Variants in DNAH14 observed in about 807,000 individuals in gnomAD.
The protein encoded by DNAH14 is axonemal beta dynein heavy chain 14.
DNAH14 carries 478 observed loss-of-function variants against 520.9 expected under a neutral mutation model. The ratio of observed to expected loss-of-function variants is 0.92; its 90% confidence interval spans 0.85 to 0.99. The LOEUF (loss-of-function observed/expected upper bound fraction) is 0.99, where lower values mean the gene tolerates loss of function less well. Among genes scored for constraint, DNAH14 ranks in the 50% least tolerant of loss-of-function variants. DNAH14 has a pLI of 0.00. For missense variants in DNAH14, 4,831 were observed against 5,234.5 expected (o/e 0.92, Z 2.38); for synonymous variants, 1,581 against 1,757.2 (o/e 0.90, Z 2.51).
intron 22 of DNAH14, among the ~76,000 whole-genome samples, chr1:225,098,740 T>G (rs2075203000): frequency 6.6e-6 from 1 of 152,196 alleles, no homozygotes; most frequent in South Asian, 2.1e-4. Flanking sequence ...TACAACAACT[T>G]TGAGCCTTAA....
At chr1:225,371,362 C>T (rs892363780) in intron 77 of DNAH14, among the ~76,000 whole-genome samples, 1 of 151,892 alleles carries the variant, frequency 6.6e-6, no homozygotes, top group Non-Finnish European at 1.5e-5. Flanking sequence ...GTAGAAGAGG[C>T]ATTTGTTATG....
chr1:225,097,319 T>C, intron 22 of DNAH14, 80 bp downstream of exon 22: 3 of 1,324,208 alleles, frequency 2.3e-6, no homozygotes, highest in South Asian at 1.7e-5. Context: ...TGAGAAATCA[T>C]TTCTTCAATG....
rs1449574973 is a variant in DNAH14 at position 225,381,543 on chromosome 1, C to A, written c.13041C>A (p.Asn4347Lys). The A allele has an allele frequency of 3.9e-6, 6 of 1,536,678 alleles. No homozygotes were observed. Among genetic ancestry groups the A allele is most frequent in the Non-Finnish European group, 5.2e-6 (6 of 1,142,870 alleles). Reference protein sequence around the residue: ...ILTQELEEIFNSFLNMRVPTL... With the variant: ...ILTQELEEIFKSFLNMRVPTL... Reference sequence around the variant, plus strand: ...CCCAAGAATTGGAGGAAATATTTAACTCTTTTCTTAATATGAGAGTGCCTA... The same window carrying A: ...CCCAAGAATTGGAGGAAATATTTAAATCTTTTCTTAATATGAGAGTGCCTA... Residue 4347 changes from asparagine to lysine, a missense_variant, in exon 81 of 86, where the codon AAC becomes AAA. Transcript: ENST00000682510.
At chr1:225,212,068 C>A (rs1490236698) in intron 41 of DNAH14, among the ~76,000 whole-genome samples, 5 of 119,440 alleles carry the variant, frequency 4.2e-5, no homozygotes, top group African/African-American at 1.6e-4. Flanking sequence ...CCCCCCACCC[C>A]AAGACAGGCC....
At chr1:225,376,498 A>C (rs745324394) in intron 78 of DNAH14, among the ~76,000 whole-genome samples, 9 of 152,258 alleles carry the variant, frequency 5.9e-5, no homozygotes, top group Admixed American at 3.9e-4. Flanking sequence ...TGTACAGAGT[A>C]TTACATTAAG....
intron 66 of DNAH14, among the ~76,000 whole-genome samples, chr1:225,336,954 G>A (rs7521190): frequency 0.36 from 54,344 of 151,966 alleles, 10,304 homozygotes; most frequent in African/African-American, 0.48. Context: ...ATTCTATATT[G>A]TATGCGTTAG....
At chr1:225,275,127 A>C (rs1396646044) in intron 52 of DNAH14, among the ~76,000 whole-genome samples, 1 of 152,198 alleles carries the variant, frequency 6.6e-6, no homozygotes, top group Non-Finnish European at 1.5e-5. Flanking sequence ...ATATCTAATG[A>C]CATATATTTT....
At chr1:225,135,751 G>A (rs1245263339) in intron 27 of DNAH14, among the ~76,000 whole-genome samples, 7 of 152,104 alleles carry the variant, frequency 4.6e-5, no homozygotes, top group African/African-American at 1.7e-4. Flanking sequence ...AATATTGTCA[G>A]AGGGATGTTA....
rs1003176230 is a variant in DNAH14, at chr1:225,272,970, C to A, written c.7855C>A (p.Leu2619Met). Residue 2619 changes from leucine to methionine, a missense_variant, in exon 52 of 86, where the codon CTG (leucine) becomes ATG (methionine). Coordinates refer to ENST00000682510, the MANE Select transcript of DNAH14 (RefSeq NM_001367479.1). Reference protein sequence around the residue: ...RDMFKLLLGLLQADRTVVNSK... With the variant: ...RDMFKLLLGLMQADRTVVNSK... ...TCCCTAACAGCTTCTCCTAGGATTG[C>A]TGCAAGCTGACAGGACTGTTGTTAA... 1 of 1,537,886 alleles carries A rather than the reference C, an allele frequency of 6.5e-7. No homozygotes were observed. Among genetic ancestry groups the A allele is most frequent in the Non-Finnish European group, 8.7e-7 (1 of 1,143,422 alleles).
In DNAH14 at chr1:225,335,573, ACG is replaced by A. The variant is rs1445473337; in HGVS notation, c.10081-1691_10081-1690del. Among the ~76,000 whole-genome samples the A allele has an allele frequency of 4.6e-4, 68 of 149,274 alleles. 5 individuals are homozygous for A. Among genetic ancestry groups the A allele is most frequent in the Non-Finnish European group, 6.4e-4 (43 of 66,904 alleles). On this transcript the variant is annotated intron_variant, in intron 66 of 85. Transcript: ENST00000682510. ...TATACATATGTACATCTATGTATATACGCATATGTGCATATATGTATATACGC... is the reference window on the plus strand; with the variant it reads ...TATACATATGTACATCTATGTATATACATATGTGCATATATGTATATACGC...
At chr1:225,139,469 C>T (rs1446776284) in intron 27 of DNAH14, among the ~76,000 whole-genome samples, 2 of 152,196 alleles carry the variant, frequency 1.3e-5, no homozygotes, top group African/African-American at 2.4e-5. Flanking sequence ...GTTTACAACT[C>T]CCCTTTCTCT....
chr1:224,944,780 G>A (rs747930037), intron 1 of DNAH14, among the ~76,000 whole-genome samples: 8 of 152,080 alleles, frequency 5.3e-5, no homozygotes, highest in South Asian at 2.1e-4. Context: ...ATGAAATTCT[G>A]GGTTGAAAAT....
chr1:225,060,388 C>A (rs1240240045), intron 17 of DNAH14, among the ~76,000 whole-genome samples: 4 of 152,124 alleles, frequency 2.6e-5, no homozygotes, highest in African/African-American at 9.7e-5. Context: ...AACTTCTCTG[C>A]ATTGGTTATT....
Position 225,324,251 on chromosome 1 carries a change from C to G in DNAH14, c.9525C>G (p.Thr3175=), listed in dbSNP as rs1184329461. Residue 3175 remains threonine, a synonymous_variant, in exon 63 of 86, where the codon ACC becomes ACG. Coordinates refer to ENST00000682510, the MANE Select transcript of DNAH14 (RefSeq NM_001367479.1). ...TCGTGAAGCTAAAAAAAATTGTAACCTTACCTGATTTCAACCCACACAAGA... is the reference window on the plus strand; with the variant it reads ...TCGTGAAGCTAAAAAAAATTGTAACGTTACCTGATTTCAACCCACACAAGA... ...KVFVKLKKIV[T]LPDFNPHKIS... The G allele has an allele frequency of 5.8e-6, 9 of 1,551,552 alleles. No individual in the cohort carries two copies. The highest frequency in any genetic ancestry group is 7.8e-6 in the Non-Finnish European group (9 of 1,147,010).
intron 77 of DNAH14, among the ~76,000 whole-genome samples, chr1:225,368,246 T>A (rs2095576862): frequency 6.6e-6 from 1 of 152,210 alleles, no homozygotes; most frequent in South Asian, 2.1e-4. Flanking sequence ...GCTGTATAAG[T>A]ACGTAATCTA....
At chr1:225,188,410 A>G (rs183569685) in intron 37 of DNAH14, among the ~76,000 whole-genome samples, 1 of 152,076 alleles carries the variant, frequency 6.6e-6, no homozygotes, top group Admixed American at 6.6e-5. Flanking sequence ...AAGTTATTAC[A>G]TCATATTGTT....
At chr1:225,335,073 A>G (rs1040749008) in intron 66 of DNAH14, among the ~76,000 whole-genome samples, 2 of 149,324 alleles carry the variant, frequency 1.3e-5, no homozygotes, top group Non-Finnish European at 3.0e-5. Context: ...TGTATATATA[A>G]CGTACATATG....
At chr1:225,062,069 C>T (rs575929794) in intron 17 of DNAH14, among the ~76,000 whole-genome samples, 2 of 13,178 alleles carry the variant, frequency 1.5e-4, no homozygotes, top group African/African-American at 1.7e-4. Flanking sequence ...GAGGCCGAGG[C>T]GGATGGAATG....
At chr1:225,308,437 A>G in intron 60 of DNAH14, 27 bp downstream of exon 60, 2 of 1,505,538 alleles carry the variant, frequency 1.3e-6, no homozygotes, top group South Asian at 2.6e-5. Context: ...GTCAATAAAA[A>G]TAATTTGGAG....
Sources: allele counts gnomAD v4.1 joint callset (sites outside exome capture counted in the v4.1 genomes callset), GRCh38; gene constraint gnomAD v4.1.1; transcripts MANE v1.5; gene names NCBI Gene and HGNC (gene_info 2026-07-23, HGNC 2026-07-21).